SHANK2: variants seen among roughly 807,000 people sequenced by gnomAD.
SHANK2 encodes the protein SH3 and multiple ankyrin repeat domains protein 2.
Under a neutral mutation model 133.7 loss-of-function variants are expected in SHANK2, and 43 were observed. The observed-to-expected ratio is 0.32, with a 90% CI of 0.25 to 0.41. SHANK2 has a LOEUF of 0.41. SHANK2 is among the 10% of genes least tolerant of loss of function. The pLI, the probability that SHANK2 is intolerant of heterozygous loss-of-function variation, is 1.00. For missense variants in SHANK2, 1,994 were observed against 2,235.8 expected (o/e 0.89, Z 2.18); for synonymous variants, 1,017 against 952.8 (o/e 1.07, Z -1.24).
At chr11:71,095,043 C>T (rs1046491007) in intron 6 of SHANK2, among the ~76,000 whole-genome samples, 11 of 152,234 alleles carry the variant, frequency 7.2e-5, no homozygotes, top group Non-Finnish European at 1.3e-4. Context: ...GAAGGAGTGA[C>T]GGACTAAAGC....
intron 2 of SHANK2, among the ~76,000 whole-genome samples, chr11:71,154,876 G>C: frequency 9.0e-6 from 1 of 110,942 alleles, no homozygotes; most frequent in African/African-American, 3.7e-5. Flanking sequence ...CGCTCCCAGA[G>C]GAGGGATGGA....
chr11:70,480,407 G>A (rs2058718410), intron 25 of SHANK2, among the ~76,000 whole-genome samples: 1 of 152,212 alleles, frequency 6.6e-6, no homozygotes, highest in Non-Finnish European at 1.5e-5. Context: ...ACCTGCTGGT[G>A]TCCCGTGGCT....
intron 14 of SHANK2, among the ~76,000 whole-genome samples, chr11:70,704,055 G>C (rs1221378435): frequency 6.6e-6 from 1 of 152,218 alleles, no homozygotes; most frequent in Non-Finnish European, 1.5e-5. Flanking sequence ...GGGTTCCCAC[G>C]CCTCAGGCCA....
intron 13 of SHANK2, among the ~76,000 whole-genome samples, chr11:70,805,371 T>C (rs537445461): frequency 6.6e-6 from 1 of 152,164 alleles, no homozygotes; most frequent in South Asian, 2.1e-4. Context: ...TGGCCCTGAG[T>C]GTGCAGACCG....
chr11:71,094,539 T>G lies in SHANK2; in HGVS notation c.742A>C (p.Lys248Gln). The part of the protein sequence containing the change: ...AARARNQVAL[K>Q]TLLELGASPD... ...AAGTAAGATGGGCCCGAGTTTACCT[T>G]CAGGGCAACTTGGTTCCTCGCTCGG... is the stretch of plus-strand genomic sequence containing the variant. The change falls in exon 7 of 26, where the codon AAG (lysine) becomes CAG (glutamine). Residue 248 changes from lysine (K) to glutamine (Q), a missense_variant and splice_region_variant. Lys to Gln is a moderately conservative substitution (Grantham distance 53). Around this residue, in one of 5 missense-constraint regions of SHANK2, gnomAD observed 653 missense variants for 563.4 expected, o/e 1.16. Coordinates refer to ENST00000601538, the MANE Select transcript of SHANK2 (RefSeq NM_012309.5). 1 of 1,549,870 alleles carries G rather than the reference T, an allele frequency of 6.5e-7. No homozygotes were observed. The highest frequency in any genetic ancestry group is 8.7e-7 in the Non-Finnish European group (1 of 1,145,644).
At chr11:71,209,804 G>C (rs782185825) in intron 2 of SHANK2, among the ~76,000 whole-genome samples, 2 of 152,168 alleles carry the variant, frequency 1.3e-5, no homozygotes, top group African/African-American at 2.4e-5. Flanking sequence ...GAGCTGCCTA[G>C]AGAGATATAC....
At chr11:70,733,819 C>T (rs1298326618) in intron 14 of SHANK2, among the ~76,000 whole-genome samples, 2 of 152,192 alleles carry the variant, frequency 1.3e-5, no homozygotes, top group African/African-American at 4.8e-5. Context: ...GCTCAGCTCC[C>T]ATGAGGTGTC....
At chr11:70,499,218 C>T (rs2059015661) in intron 21 of SHANK2, among the ~76,000 whole-genome samples, 1 of 152,254 alleles carries the variant, frequency 6.6e-6, no homozygotes. Context: ...GTCTTCAGTC[C>T]CCAGCTGGAT....
At chr11:70,517,024 G>C (rs2059274647) in intron 17 of SHANK2, among the ~76,000 whole-genome samples, 1 of 152,190 alleles carries the variant, frequency 6.6e-6, no homozygotes, top group Non-Finnish European at 1.5e-5. Flanking sequence ...TGTGAGTCCA[G>C]ATGGTGCCAC....
chr11:71,088,042 A>C (rs892146306), intron 8 of SHANK2, among the ~76,000 whole-genome samples: 2 of 152,192 alleles, frequency 1.3e-5, no homozygotes, highest in Admixed American at 6.5e-5. Context: ...GTCTTCATGA[A>C]GTCAGTGACT....
At chr11:70,855,833 G>A (rs1949160125) in intron 11 of SHANK2, among the ~76,000 whole-genome samples, 1 of 152,148 alleles carries the variant, frequency 6.6e-6, no homozygotes, top group Admixed American at 6.5e-5. Flanking sequence ...ATGGGTGGGT[G>A]GATAAATGAA....
chr11:70,636,660 TGTGTGAGCACGTGTGA>T (rs2061099079), intron 17 of SHANK2, among the ~76,000 whole-genome samples: 2 of 151,232 alleles, frequency 1.3e-5, no homozygotes, highest in Admixed American at 1.3e-4. Context: ...TATGAATATA[TGTGTGAGCACGTGTGA>T]GCATCTGTGT....
chr11:70,678,301 C>A (rs1370696255), intron 15 of SHANK2, among the ~76,000 whole-genome samples: 1 of 151,936 alleles, frequency 6.6e-6, no homozygotes, highest in East Asian at 2.0e-4. Flanking sequence ...CGCCACCAGG[C>A]CCAGCTAATT....
chr11:71,181,388 G>T (rs1236760228), intron 2 of SHANK2, among the ~76,000 whole-genome samples: 3 of 152,162 alleles, frequency 2.0e-5, no homozygotes, highest in Non-Finnish European at 4.4e-5. Flanking sequence ...AGACCCAGCT[G>T]CTTGGGAGGG....
intron 14 of SHANK2, among the ~76,000 whole-genome samples, chr11:70,716,943 C>G (rs1032854882): frequency 6.1e-5 from 9 of 148,302 alleles, no homozygotes; most frequent in Non-Finnish European, 1.0e-4. Context: ...CATTCCTGCT[C>G]TCCTCGGCCT....
intron 3 of SHANK2, among the ~76,000 whole-genome samples, chr11:71,122,833 A>T (rs1555101783): frequency 6.6e-6 from 1 of 152,132 alleles, no homozygotes; most frequent in Non-Finnish European, 1.5e-5. Flanking sequence ...CCTCAGAAGG[A>T]ACCAACCTTG....
chr11:70,824,782 T>C (rs1355240339), intron 11 of SHANK2, among the ~76,000 whole-genome samples: 1 of 152,150 alleles, frequency 6.6e-6, no homozygotes, highest in East Asian at 1.9e-4. Flanking sequence ...TTCCGGGTGA[T>C]CCGGGAACTG....
At chr11:71,146,543 C>T (rs1301349080) in intron 3 of SHANK2, among the ~76,000 whole-genome samples, 2 of 152,224 alleles carry the variant, frequency 1.3e-5, no homozygotes, top group African/African-American at 4.8e-5. Flanking sequence ...CAGCGTGGGC[C>T]AGGGCAGCCT....
In SHANK2 at chr11:71,175,942, C is replaced by T. The variant is rs566949561; in HGVS notation, c.-12-28604G>A. ...AAAACCAGGAGGAGAGAGAATGGAA[C>T]GGAGCCTAGTAGAGATGTGTTCCCT... On this transcript the variant is annotated intron_variant, in intron 2 of 25. Transcript: ENST00000601538. This position sits in a 1 kb window ranked among gnomAD's most constrained non-coding sequence, Gnocchi z 4.2. Among the ~76,000 whole-genome samples the T allele has an allele frequency of 3.8e-3, 577 of 152,188 alleles. 7 individuals carry two copies. Among genetic ancestry groups the T allele is most frequent in the African/African-American group, 0.013 (533 of 41,522 alleles).
Sources: allele counts gnomAD v4.1 joint callset (sites outside exome capture counted in the v4.1 genomes callset), GRCh38; gene constraint gnomAD v4.1.1; regional missense constraint gnomAD v4.1.1; non-coding constraint Gnocchi (gnomAD v3.1); transcripts MANE v1.5; gene names NCBI Gene and HGNC (gene_info 2026-07-23, HGNC 2026-07-21).